Variants in CPEB2 observed in about 807,000 individuals in gnomAD.
CPEB2 encodes cytoplasmic polyadenylation element binding protein 2.
Under a neutral mutation model 93.6 loss-of-function variants are expected in CPEB2, and 56 were observed. The observed-to-expected ratio is 0.60, with a 90% confidence interval of 0.48 to 0.75. The LOEUF is 0.75. CPEB2 is among the 30% of genes least tolerant of loss of function. The pLI is 0.00. For missense variants in CPEB2, 1,579 were observed against 1,395.1 expected (o/e 1.13, Z -2.10); for synonymous variants, 764 against 586.3 (o/e 1.30, Z -4.38).
At chr4:15,062,744 G>C (rs1729316743) in intron 11 of CPEB2, among the ~76,000 whole-genome samples, 3 of 151,984 alleles carry the variant, frequency 2.0e-5, no homozygotes, top group African/African-American at 7.2e-5. Flanking sequence ...TTAAATGTTT[G>C]TTTTCATTTG....
Position 15,004,204 on chromosome 4 carries a change from C to G in CPEB2, c.1531C>G (p.Gln511Glu), listed in dbSNP as rs780339412. The change falls in exon 1 of 12, where the codon CAG (glutamine) becomes GAG (glutamate). Residue 511 changes from glutamine (Q) to glutamate (E), a missense_variant. Gln to Glu is a conservative substitution (Grantham distance 29). Transcript: ENST00000538197. ...GCCCGCCATGAATATACCTCAACAG[C>G]AGCCCCCGCCGCCCGCGGCGCCGCA... Reference protein sequence around the residue: ...PPPAMNIPQQQPPPPAAPQQP... With the variant: ...PPPAMNIPQQEPPPPAAPQQP... 13 of 1,490,880 alleles carry G rather than the reference C, an allele frequency of 8.7e-6. No homozygotes were observed. In the South Asian group the frequency reaches 1.6e-4, roughly 19 times the overall value. 92.4% of individuals were successfully genotyped at this position (1,490,880 alleles called of 1,614,324 possible).
chr4:15,002,843 GCTT>G lies in CPEB2; in HGVS notation c.174_176del (p.Phe58del). 1 of 1,535,104 alleles carries G rather than the reference GCTT, an allele frequency of 6.5e-7. No individual in the cohort carries two copies. The highest frequency in any genetic ancestry group is 8.7e-7 in the Non-Finnish European group (1 of 1,146,544). On this transcript the variant is annotated inframe_deletion, in exon 1 of 12. Transcript: ENST00000538197. Reference sequence around the variant, plus strand: ...TCGCCACCACCGTTGCCTGTCACCGGCTTCTTAGAGGCCGCCTCCCCCTTCTCC... The same window carrying G: ...TCGCCACCACCGTTGCCTGTCACCGGCTTAGAGGCCGCCTCCCCCTTCTCC...
chr4:15,017,163 T>C (rs373869802), intron 3 of CPEB2, 25 bp from the exon 4 acceptor site: 3 of 1,310,290 alleles, frequency 2.3e-6, no homozygotes, highest in Non-Finnish European at 3.3e-6. Flanking sequence ...TAGATTATAA[T>C]GTCTTTTTTC....
At chr4:15,029,593 A>G (rs187017837) in intron 4 of CPEB2, among the ~76,000 whole-genome samples, 8 of 152,154 alleles carry the variant, frequency 5.3e-5, no homozygotes, top group African/African-American at 1.9e-4. Context: ...CTAAAATTTA[A>G]TTTGCCCAGG....
chr4:15,018,516 G>A lies in CPEB2; in HGVS notation c.2125+1238G>A, dbSNP rs530669792. 2.0e-5 allele frequency among the ~76,000 whole-genome samples: 3 copies of A among 150,460 alleles called. No individual in the cohort carries two copies. The South Asian group carries it at 6.3e-4, about 31-fold the overall frequency. ...TTTTTTTCCTTTTAACCAAAGTTCA[G>A]CTTAGTTTTTTGAGTATCTTTGTAT... On this transcript the variant is annotated intron_variant, in intron 4 of 11. Coordinates refer to ENST00000538197, the MANE Select transcript of CPEB2 (RefSeq NM_001177382.2).
chr4:15,044,880 C>T (rs1362100234), intron 6 of CPEB2, among the ~76,000 whole-genome samples: 1 of 152,152 alleles, frequency 6.6e-6, no homozygotes, highest in Admixed American at 6.5e-5. Flanking sequence ...CCATTATTCT[C>T]GTTTTGCTCT....
Position 15,066,497 on chromosome 4 carries a change from A to G in CPEB2, c.*117A>G, listed in dbSNP as rs890404817. ...CATTCTTCTGCTTTTCACCCCAGCT[A>G]TCAATACATGCATCTTTATCAGCAG... On this transcript the variant is annotated 3_prime_UTR_variant, in exon 12 of 12. Coordinates refer to ENST00000538197, the MANE Select transcript of CPEB2 (RefSeq NM_001177382.2). 10 of 720,996 alleles carry G rather than the reference A, an allele frequency of 1.4e-5. No homozygotes were observed. Among genetic ancestry groups the G allele is most frequent in the Non-Finnish European group, 2.1e-5 (9 of 424,798 alleles). The allele number at this position is 720,996 out of a possible 1,614,324, so 44.7% of individuals were successfully genotyped here. A position where few individuals can be genotyped will look rare whatever the true frequency, so the allele number is the denominator to read the frequency against.
At chr4:15,060,353 A>C (rs141601279) in intron 10 of CPEB2, among the ~76,000 whole-genome samples, 1 of 152,164 alleles carries the variant, frequency 6.6e-6, no homozygotes, top group African/African-American at 2.4e-5. Context: ...TGCAGTTTTC[A>C]AAGTTCACTT....
At chr4:15,063,107 T>C (rs1234807148) in intron 11 of CPEB2, among the ~76,000 whole-genome samples, 1 of 152,090 alleles carries the variant, frequency 6.6e-6, no homozygotes, top group African/African-American at 2.4e-5. Flanking sequence ...AGATAGAAGA[T>C]ACAATTTGAG....
In CPEB2 at chr4:15,004,020, C is replaced by T; in HGVS notation, c.1347C>T (p.Phe449=). The T allele has an allele frequency of 2.6e-6, 4 of 1,560,038 alleles. No individual in the cohort carries two copies. Among genetic ancestry groups the T allele is most frequent in the Non-Finnish European group, 3.5e-6 (4 of 1,156,038 alleles). Reference sequence around the variant, plus strand: ...CCAGCCCCGACTCAGAGAACGGCTTCTACCCCGGGCTGCCGTCGTCCATGA... The same window carrying T: ...CCAGCCCCGACTCAGAGAACGGCTTTTACCCCGGGCTGCCGTCGTCCATGA... ...PPPSPDSENG[F]YPGLPSSMNP... is the part of the protein sequence containing the mutation. Residue 449 remains phenylalanine, a synonymous_variant, in exon 1 of 12, where the codon TTC becomes TTT. Coordinates refer to ENST00000538197, the MANE Select transcript of CPEB2 (RefSeq NM_001177382.2).
At chr4:15,046,779 C>T (rs1230906011) in intron 6 of CPEB2, among the ~76,000 whole-genome samples, 1 of 152,134 alleles carries the variant, frequency 6.6e-6, no homozygotes, top group African/African-American at 2.4e-5. Context: ...TTGCCATCCA[C>T]TTTTTAACAG....
chr4:15,043,525 A>T (rs1219280193), intron 6 of CPEB2, among the ~76,000 whole-genome samples: 1 of 152,122 alleles, frequency 6.6e-6, no homozygotes. Flanking sequence ...TGTTTCTTCC[A>T]TTCCATTCTG....
chr4:15,021,501 G>A (rs1322175704), intron 4 of CPEB2, among the ~76,000 whole-genome samples: 2 of 152,030 alleles, frequency 1.3e-5, no homozygotes. Flanking sequence ...CCAACAATTT[G>A]TAAAAAGGCT....
intron 3 of CPEB2, among the ~76,000 whole-genome samples, chr4:15,012,667 C>G (rs926994261): frequency 1.3e-5 from 2 of 151,958 alleles, no homozygotes; most frequent in Non-Finnish European, 2.9e-5. Flanking sequence ...TCAATATCTA[C>G]TTAAAATTAA....
intron 3 of CPEB2, among the ~76,000 whole-genome samples, chr4:15,012,144 C>A (rs115175998): frequency 6.6e-6 from 1 of 152,200 alleles, no homozygotes; most frequent in Non-Finnish European, 1.5e-5. Context: ...AGATGAACTT[C>A]AGGGACATTC....
intron 4 of CPEB2, among the ~76,000 whole-genome samples, chr4:15,026,979 A>G (rs557461271): frequency 1.3e-5 from 2 of 152,264 alleles, no homozygotes; most frequent in South Asian, 2.1e-4. Context: ...GGTTATCAGC[A>G]TTACTTTTGT....
intron 5 of CPEB2, among the ~76,000 whole-genome samples, chr4:15,035,749 C>G (rs895719620): frequency 6.6e-6 from 1 of 152,154 alleles, no homozygotes; most frequent in South Asian, 2.1e-4. Context: ...TAAAATAACT[C>G]TCTGAGGCAC....
intron 4 of CPEB2, among the ~76,000 whole-genome samples, chr4:15,029,947 C>A (rs894073007): frequency 6.6e-6 from 1 of 152,078 alleles, no homozygotes; most frequent in African/African-American, 2.4e-5. Flanking sequence ...TTGGCCAGAT[C>A]TTACATGCAG....
rs1343348313 is a variant in CPEB2 at position 15,003,923 on chromosome 4, C to A, written c.1250C>A (p.Pro417Gln). ...CCCCAGCAGCCGCCCCAGCCGCAGC[C>A]GCAGCCGCCCGGCTCGTCTGCCACC... ...PPPQQPPQPQPQPPGSSATTP... is the reference protein window; with the variant it reads ...PPPQQPPQPQQQPPGSSATTP... The change falls in exon 1 of 12, where the codon CCG (proline) becomes CAG (glutamine). Residue 417 changes from proline (P) to glutamine (Q), a missense_variant. Around this residue, in one of 2 missense-constraint regions of CPEB2, gnomAD observed 1,411 missense variants for 1,056.0 expected, o/e 1.34. Coordinates refer to ENST00000538197, the MANE Select transcript of CPEB2 (RefSeq NM_001177382.2). 1 of 1,071,202 alleles carries A rather than the reference C, an allele frequency of 9.3e-7. No individual in the cohort carries two copies. The highest frequency in any genetic ancestry group is 1.2e-6 in the Non-Finnish European group (1 of 830,624). 66.4% of individuals were successfully genotyped at this position (1,071,202 alleles called of 1,614,324 possible).
Sources: gnomAD v4.1 joint callset for allele counts (sites outside exome capture counted in the v4.1 genomes callset) on GRCh38, gnomAD v4.1.1 for gene constraint, gnomAD v4.1.1 regional missense constraint, MANE v1.5 for transcripts, NCBI Gene and HGNC (gene_info 2026-07-23, HGNC 2026-07-21) for gene names.